The following TSNARE1 variants were observed in gnomAD, a reference collection of about 807,000 sequenced individuals.
TSNARE1 encodes the protein t-SNARE domain-containing protein 1.
TSNARE1 carries 49 observed loss-of-function variants against 62.0 expected under a neutral mutation model. That is an observed-to-expected ratio of 0.79 (90% CI 0.63 to 1.00). TSNARE1 has a LOEUF of 1.00. TSNARE1 is among the 50% of genes least tolerant of loss of function. The pLI is 0.00. For missense variants in TSNARE1, 755 were observed against 700.1 expected (o/e 1.08, Z -0.88); for synonymous variants, 328 against 294.4 (o/e 1.11, Z -1.17).
chr8:142,326,157 T>TGAGGAACCAGCACCAGCG (rs1830208416), intron 6 of TSNARE1: 1 of 36,686 alleles, frequency 2.7e-5, no homozygotes, highest in Admixed American at 3.3e-4. Flanking sequence ...CAGCACCAGC[T>TGAGGAACCAGCACCAGCG]AAGGGGAGGG....
chr8:142,345,593 G>T (rs776876463), intron 3 of TSNARE1, 150 bp downstream of exon 3: 16 of 935,046 alleles, frequency 1.7e-5, no homozygotes, highest in African/African-American at 3.3e-5. Context: ...TCAGGGGAAG[G>T]CCTGGCAGGG....
At chr8:142,367,494 A>T (rs1835637677) in intron 1 of TSNARE1, among the ~76,000 whole-genome samples, 1 of 145,504 alleles carries the variant, frequency 6.9e-6, no homozygotes, top group Admixed American at 6.8e-5. Flanking sequence ...CTACAGAAAC[A>T]GAAAGCAGAC....
intron 4 of TSNARE1, among the ~76,000 whole-genome samples, chr8:142,342,120 A>G (rs908463218): frequency 6.6e-6 from 1 of 152,248 alleles, no homozygotes; most frequent in South Asian, 2.1e-4. Context: ...TGACGGCCAA[A>G]GAGGGGCTCC....
chr8:142,230,573 G>A (rs964633425), intron 12 of TSNARE1, among the ~76,000 whole-genome samples: 1 of 152,112 alleles, frequency 6.6e-6, no homozygotes, highest in Non-Finnish European at 1.5e-5. Context: ...TGAAAGATGG[G>A]CAGGGGCCTA....
In TSNARE1 at chr8:142,214,162, C is replaced by T. The variant is rs569586142; in HGVS notation, c.*12-1849G>A. Among the ~76,000 whole-genome samples, 153 of 152,256 alleles carry T rather than the reference C, an allele frequency of 1.0e-3. 5 individuals are homozygous for T. The South Asian group carries it at 0.021, about 21-fold the overall frequency. ...CCAAGGTCCAGGGAGCAGGCGATGA[C>T]GCTGGGTGCGGCCCGCCTGGCCCTG... is the stretch of plus-strand genomic sequence containing the variant. On this transcript the variant is annotated intron_variant, in intron 13 of 13. Transcript: ENST00000524325.
intron 10 of TSNARE1, 148 bp downstream of exon 10, chr8:142,300,338 T>A: frequency 1.1e-6 from 1 of 871,264 alleles, no homozygotes; most frequent in Non-Finnish European, 1.7e-6. Context: ...AGAGAGGTGG[T>A]TAGAATGGGC....
At position 142,300,481 on chromosome 8, in the gene TSNARE1, C is replaced by G. The variant is rs1398748873; in HGVS notation, c.1290+5G>C. ...AGTGAGCACGCTTGCCCACGCCAGC[C>G]TCACCTCCATCTGCAGGATGGCCTC... On this transcript the variant is annotated splice_donor_5th_base_variant and intron_variant, in intron 10 of 13. Transcript: ENST00000524325. 5 of 1,599,810 alleles carry G rather than the reference C, an allele frequency of 3.1e-6. No homozygotes were observed. The highest frequency in any genetic ancestry group is 4.2e-6 in the Non-Finnish European group (5 of 1,177,020).
Position 142,297,814 on chromosome 8 carries a change from G to T in TSNARE1, c.1290+2672C>A, listed in dbSNP as rs932021663. Among the ~76,000 whole-genome samples the T allele has an allele frequency of 5.3e-5, 8 of 152,058 alleles. No homozygotes were observed. The South Asian group carries it at 1.5e-3, about 28-fold the overall frequency. On this transcript the variant is annotated intron_variant, in intron 10 of 13. Transcript: ENST00000524325. Reference sequence around the variant, plus strand: ...TTCCTAAAGGCTAATGACAATTTGCGTTTTGTTTTTCCCGTTTTCAGAGAC... The same window carrying T: ...TTCCTAAAGGCTAATGACAATTTGCTTTTTGTTTTTCCCGTTTTCAGAGAC...
At chr8:142,275,502 G>A in intron 11 of TSNARE1, 1 of 985,436 alleles carries the variant, frequency 1.0e-6, no homozygotes, top group Non-Finnish European at 1.2e-6. Flanking sequence ...GGCCGGGGCA[G>A]CCCCAGGGAT....
At chr8:142,274,176 C>T in intron 12 of TSNARE1, 1 of 985,404 alleles carries the variant, frequency 1.0e-6, no homozygotes, top group Non-Finnish European at 1.2e-6. Flanking sequence ...AGCACCAGGC[C>T]ACAATGGGGA....
intron 12 of TSNARE1, chr8:142,271,450 C>T (rs570051999): frequency 2.4e-5 from 30 of 1,261,208 alleles, no homozygotes; most frequent in Middle Eastern, 3.0e-4. Context: ...CAGATGCTGC[C>T]GCTGGGGTCC....
chr8:142,328,820 G>T (rs896664959), intron 6 of TSNARE1, among the ~76,000 whole-genome samples: 41 of 103,846 alleles, frequency 3.9e-4, no homozygotes, highest in Admixed American at 1.4e-3. Flanking sequence ...GAGGCCTTTG[G>T]GGGGGGGGAG....
chr8:142,275,743 C>A (rs1290566618), intron 11 of TSNARE1: 1 of 985,464 alleles, frequency 1.0e-6, no homozygotes, highest in East Asian at 1.1e-4. Context: ...AAACTGTGCA[C>A]CTGCAGTGCC....
At chr8:142,226,297 G>T (rs1318905961) in intron 13 of TSNARE1, among the ~76,000 whole-genome samples, 1 of 152,168 alleles carries the variant, frequency 6.6e-6, no homozygotes, top group Admixed American at 6.5e-5. Flanking sequence ...TCAGAGTGTG[G>T]CCGGGCACAC....
At chr8:142,313,993 G>T (rs1440104327) in intron 9 of TSNARE1, among the ~76,000 whole-genome samples, 2 of 152,214 alleles carry the variant, frequency 1.3e-5, no homozygotes, top group Non-Finnish European at 2.9e-5. Flanking sequence ...TGGCCAGGCT[G>T]ATCTTGAACC....
chr8:142,265,078 C>G (rs189329525), intron 12 of TSNARE1, among the ~76,000 whole-genome samples: 3 of 152,044 alleles, frequency 2.0e-5, no homozygotes, highest in Admixed American at 2.0e-4. Flanking sequence ...CTCTAATACT[C>G]TTAGGTTACC....
chr8:142,372,684 C>T (rs1399748945), intron 1 of TSNARE1, among the ~76,000 whole-genome samples: 4 of 152,190 alleles, frequency 2.6e-5, no homozygotes, highest in Non-Finnish European at 5.9e-5. Flanking sequence ...GCTGAGCTCA[C>T]ATACGCAGAA....
Position 142,344,314 on chromosome 8 carries a change from T to C in TSNARE1, c.397A>G (p.Thr133Ala), listed in dbSNP as rs1833049623. Residue 133 changes from threonine to alanine, a missense_variant, in exon 4 of 14, where the codon ACC becomes GCC. Thr to Ala is a moderately conservative substitution (Grantham distance 58). Coordinates refer to ENST00000524325, the MANE Select transcript of TSNARE1 (RefSeq NM_145003.5). ...CTCACCTTGGACACCAGCACCTCGG[T>C]CTCCTGCGGGCAGAAGTTGGGCTTC... The part of the protein sequence containing the change: ...KRKPNFCPQE[T>A]EVLVSKVSKH... 6.3e-7 allele frequency: 1 copy of C among 1,591,842 alleles called. No individual in the cohort carries two copies. The highest frequency in any genetic ancestry group is 1.7e-5 in the Admixed American group (1 of 58,406).
chr8:142,324,018 A>G (rs892010007), intron 6 of TSNARE1, among the ~76,000 whole-genome samples: 6 of 152,174 alleles, frequency 3.9e-5, no homozygotes, highest in Non-Finnish European at 8.8e-5. Context: ...CCAGGAGCCA[A>G]GTGAGGCAGA....
Sources: gnomAD v4.1 joint callset for allele counts (sites outside exome capture counted in the v4.1 genomes callset) on GRCh38, gnomAD v4.1.1 for gene constraint, MANE v1.5 for transcripts, NCBI Gene and HGNC (gene_info 2026-07-23, HGNC 2026-07-21) for gene names.